The following HK1 variants were observed in gnomAD, a reference collection of about 807,000 sequenced individuals.
The protein encoded by HK1 is hexokinase-1.
HK1 carries 28 observed loss-of-function variants against 91.6 expected under a neutral mutation model. The ratio of observed to expected loss-of-function variants is 0.31; its 90% CI spans 0.23 to 0.42. The LOEUF (loss-of-function observed/expected upper bound fraction) is 0.42. Among genes scored for constraint, HK1 ranks in the 10% least tolerant of loss-of-function variants. The pLI, the probability that HK1 is intolerant of heterozygous loss-of-function variation, is 1.00. For missense variants in HK1, 770 were observed against 1,219.8 expected (o/e 0.63, Z 5.49); for synonymous variants, 430 against 468.1 (o/e 0.92, Z 1.05).
At chr10:69,307,219 G>A (rs1348656404) in intron 5 of HK1, among the ~76,000 whole-genome samples, 1 of 152,102 alleles carries the variant, frequency 6.6e-6, no homozygotes, top group Admixed American at 6.6e-5. Context: ...AGAAAACAGC[G>A]AGAGAGGAGA....
chr10:69,370,777 G>A (rs916014494), intron 7 of HK1, among the ~76,000 whole-genome samples: 6 of 152,268 alleles, frequency 3.9e-5, no homozygotes, highest in African/African-American at 1.4e-4. Context: ...CCAATGTCAA[G>A]CATAAATAGA....
chr10:69,336,637 CTTTTTTT>C (rs56893382), intron 1 of HK1, among the ~76,000 whole-genome samples: 1 of 114,174 alleles, frequency 8.8e-6, no homozygotes, highest in Admixed American at 8.7e-5. Flanking sequence ...TGGTAGATGC[CTTTTTTT>C]TTTTTTTTTT....
intron 1 of HK1, among the ~76,000 whole-genome samples, chr10:69,331,753 A>G (rs978659007): frequency 6.6e-6 from 1 of 151,796 alleles, no homozygotes; most frequent in East Asian, 1.9e-4. Context: ...GCACACATCT[A>G]TGGTCCCAGC....
chr10:69,399,037 C>T (rs1009707842), intron 17 of HK1, among the ~76,000 whole-genome samples: 5 of 152,156 alleles, frequency 3.3e-5, no homozygotes, highest in Admixed American at 2.0e-4. Flanking sequence ...AGAGAAGTGG[C>T]TTCACTTGGC....
At chr10:69,366,938 G>A (rs1049487456) in intron 4 of HK1, among the ~76,000 whole-genome samples, 1 of 152,222 alleles carries the variant, frequency 6.6e-6, no homozygotes, top group Non-Finnish European at 1.5e-5. Flanking sequence ...GCATGGGCTA[G>A]GCCCTGGGAG....
At chr10:69,292,583 C>T (rs1013930147) in intron 3 of HK1, among the ~76,000 whole-genome samples, 1 of 152,168 alleles carries the variant, frequency 6.6e-6, no homozygotes, top group African/African-American at 2.4e-5. Flanking sequence ...CATCCCTTCT[C>T]ACCCACTAAT....
chr10:69,393,221 TC>T (rs1839983692), intron 15 of HK1, among the ~76,000 whole-genome samples: 1 of 152,164 alleles, frequency 6.6e-6, no homozygotes, highest in African/African-American at 2.4e-5. Context: ...CCTCAGGTGA[TC>T]CGCCTGTCTA....
At chr10:69,293,855 CTTTTTTT>C (rs34434447) in intron 3 of HK1, among the ~76,000 whole-genome samples, 6 of 98,982 alleles carry the variant, frequency 6.1e-5, no homozygotes, top group Admixed American at 3.8e-4. Context: ...ATATTTCTTT[CTTTTTTT>C]TTTTTTTTTT....
chr10:69,275,328 C>T (rs2132408039), intron 1 of HK1, among the ~76,000 whole-genome samples: 1 of 151,368 alleles, frequency 6.6e-6, no homozygotes, highest in South Asian at 2.1e-4. Context: ...TGAGACCAGC[C>T]TGAGCAACAT....
At chr10:69,365,826 C>T (rs1183193047) in intron 4 of HK1, among the ~76,000 whole-genome samples, 1 of 152,042 alleles carries the variant, frequency 6.6e-6, no homozygotes, top group Admixed American at 6.5e-5. Flanking sequence ...AGAGTGAGAC[C>T]TTGTCTTTTT....
chr10:69,302,626 G>A (rs1210443791), intron 5 of HK1, among the ~76,000 whole-genome samples: 1 of 151,780 alleles, frequency 6.6e-6, no homozygotes, highest in Non-Finnish European at 1.5e-5. Flanking sequence ...GTGGTGGGGT[G>A]CATCTGTGGT....
At chr10:69,276,653 T>C (rs1469655627) in intron 1 of HK1, among the ~76,000 whole-genome samples, 1 of 151,668 alleles carries the variant, frequency 6.6e-6, no homozygotes, top group East Asian at 1.9e-4. Context: ...AGTAAGACTC[T>C]GTCTTAAAAA....
At position 69,323,757 on chromosome 10, in the gene HK1, A is replaced by C. The variant is rs1847175213; in HGVS notation, c.63+4747A>C. On this transcript the variant is annotated intron_variant, in intron 1 of 17. Coordinates refer to ENST00000359426, the MANE Select transcript of HK1 (RefSeq NM_000188.3). ...TAAACTGGCAGGCAGGGTGTCTGTG[A>C]GGTGCTTTCACATCTGGCCAAGCTG... Among the ~76,000 whole-genome samples, 3 of 152,112 alleles carry C rather than the reference A, an allele frequency of 2.0e-5. No homozygotes were observed. The South Asian group carries it at 6.2e-4, about 32-fold the overall frequency.
chr10:69,376,854 A>C, intron 7 of HK1, 80 bp from the exon 8 acceptor site: 3 of 1,569,716 alleles, frequency 1.9e-6, no homozygotes, highest in Non-Finnish European at 8.8e-7. Context: ...GGGGCTTCCC[A>C]TTCCTTTTAT....
chr10:69,346,594 ACTC>A (rs1226628854), intron 2 of HK1, among the ~76,000 whole-genome samples: 1 of 150,016 alleles, frequency 6.7e-6, no homozygotes, highest in African/African-American at 2.5e-5. Context: ...CTGGTCTTGA[ACTC>A]CTAGGCTCAG....
In HK1 at chr10:69,389,178, T is replaced by G; in HGVS notation, c.1936-19T>G. 6.3e-7 allele frequency: 1 copy of G among 1,595,016 alleles called. No homozygotes were observed. The highest frequency in any genetic ancestry group is 1.1e-5 in the South Asian group (1 of 90,556). The stretch of plus-strand genomic sequence containing the variant: ...CATAGTGATCCTATTCCTAAAGCTG[T>G]GTCCCTTTCTTTGCAAAGGAATTTG... On this transcript the variant is annotated intron_variant, in intron 13 of 17. Coordinates refer to ENST00000359426, the MANE Select transcript of HK1 (RefSeq NM_000188.3).
At chr10:69,356,156 G>C (rs565649784) in intron 2 of HK1, among the ~76,000 whole-genome samples, 6 of 152,146 alleles carry the variant, frequency 3.9e-5, no homozygotes, top group Non-Finnish European at 7.3e-5. Context: ...TTAAAACTTG[G>C]CCATGCTTGG....
Position 69,379,927 on chromosome 10 carries a change from A to G in HK1, c.1097A>G (p.Asp366Gly). Reference protein sequence around the residue: ...LTRLGVEPSDDDCVSVQHVCT... With the variant: ...LTRLGVEPSDGDCVSVQHVCT... Reference sequence around the variant, plus strand: ...CGCCTGGGAGTGGAGCCGTCCGATGATGACTGTGTCTCAGTCCAGCACGTT... The same window carrying G: ...CGCCTGGGAGTGGAGCCGTCCGATGGTGACTGTGTCTCAGTCCAGCACGTT... Residue 366 changes from aspartate to glycine, a missense_variant, in exon 9 of 18, where the codon GAT becomes GGT. By Grantham distance (94) the Asp-to-Gly change is moderately conservative (BLOSUM62 -1). This residue lies in a region of HK1 where 449 missense variants were observed against 665.1 expected (regional missense o/e 0.68). Transcript: ENST00000359426. 1 of 1,614,202 alleles carries G rather than the reference A, an allele frequency of 6.2e-7. No individual in the cohort carries two copies. Among genetic ancestry groups the G allele is most frequent in the Non-Finnish European group, 8.5e-7 (1 of 1,180,012 alleles).
At chr10:69,329,865 A>G (rs774759354) in intron 1 of HK1, among the ~76,000 whole-genome samples, 7 of 147,006 alleles carry the variant, frequency 4.8e-5, no homozygotes, top group South Asian at 4.3e-4. Flanking sequence ...CCCCAGCCCC[A>G]TTTGCTTAGT....
Sources: gnomAD v4.1 joint callset for allele counts (sites outside exome capture counted in the v4.1 genomes callset) on GRCh38, gnomAD v4.1.1 for gene constraint, gnomAD v4.1.1 regional missense constraint, MANE v1.5 for transcripts, NCBI Gene and HGNC (gene_info 2026-07-23, HGNC 2026-07-21) for gene names.